Variants in ITGA2 observed in about 807,000 individuals in gnomAD.
ITGA2 encodes the protein integrin alpha-2.
ITGA2 carries 101 observed loss-of-function variants against 146.3 expected under a neutral mutation model. The observed-to-expected ratio is 0.69, with a 90% CI of 0.59 to 0.81. ITGA2 has a LOEUF of 0.81. ITGA2 is among the 40% of genes least tolerant of loss of function. The probability of loss-of-function intolerance (pLI) is 0.00; values close to 1 mark genes in which losing one functional copy is unlikely to be tolerated. For synonymous variants in ITGA2, 477 were observed against 487.1 expected (o/e 0.98, Z 0.27); for missense variants, 1,281 against 1,402.7 (o/e 0.91, Z 1.39).
At chr5:53,052,923 C>T (rs1178411904) in intron 7 of ITGA2, among the ~76,000 whole-genome samples, 4 of 152,116 alleles carry the variant, frequency 2.6e-5, no homozygotes, top group Non-Finnish European at 5.9e-5. Flanking sequence ...GCCCTACACT[C>T]TCTCCCAAAA....
intron 10 of ITGA2, among the ~76,000 whole-genome samples, chr5:53,058,587 C>T (rs1163699063): frequency 2.6e-5 from 4 of 151,396 alleles, no homozygotes; most frequent in African/African-American, 4.8e-5. Flanking sequence ...CTTTTCAGCT[C>T]GGGGAAGTCT....
At chr5:53,072,823 A>C (rs1745464483) in intron 19 of ITGA2, 128 bp downstream of exon 19, 1 of 837,186 alleles carries the variant, frequency 1.2e-6, no homozygotes, top group African/African-American at 1.7e-5. Context: ...TACCTTTAAA[A>C]ACTAAATTTC....
chr5:53,008,556 G>A (rs1196039522), intron 1 of ITGA2, among the ~76,000 whole-genome samples: 1 of 151,996 alleles, frequency 6.6e-6, no homozygotes, highest in African/African-American at 2.4e-5. Flanking sequence ...CAAAGTAAGT[G>A]TCAAACATAT....
intron 1 of ITGA2, among the ~76,000 whole-genome samples, chr5:52,993,173 C>T (rs1369708302): frequency 6.6e-6 from 1 of 152,140 alleles, no homozygotes; most frequent in Non-Finnish European, 1.5e-5. Context: ...AGGTAACCTA[C>T]CTTTGCTGGG....
intron 12 of ITGA2, among the ~76,000 whole-genome samples, chr5:53,062,545 G>C (rs951702220): frequency 1.3e-5 from 2 of 151,822 alleles, no homozygotes; most frequent in African/African-American, 2.4e-5. Context: ...GGGTCTCAGG[G>C]ATCTGTATTT....
At chr5:53,001,704 G>A (rs912442986) in intron 1 of ITGA2, among the ~76,000 whole-genome samples, 8 of 151,698 alleles carry the variant, frequency 5.3e-5, no homozygotes, top group Non-Finnish European at 8.8e-5. Flanking sequence ...GCCAGGAATC[G>A]TGCTGCATGC....
intron 1 of ITGA2, among the ~76,000 whole-genome samples, chr5:53,001,049 G>T (rs949445754): frequency 6.6e-6 from 1 of 151,656 alleles, no homozygotes; most frequent in African/African-American, 2.4e-5. Context: ...ATACAGGTGT[G>T]TACCACCATG....
At chr5:53,030,144 G>A (rs1481399683) in intron 2 of ITGA2, among the ~76,000 whole-genome samples, 1 of 152,214 alleles carries the variant, frequency 6.6e-6, no homozygotes, top group Non-Finnish European at 1.5e-5. Context: ...GATCCCACCA[G>A]GCAGAGTTCT....
At chr5:53,070,882 G>C (rs972379207) in intron 17 of ITGA2, among the ~76,000 whole-genome samples, 2 of 150,354 alleles carry the variant, frequency 1.3e-5, no homozygotes, top group Non-Finnish European at 3.0e-5. Context: ...AATTTACTCA[G>C]GAAATCACTT....
intron 16 of ITGA2, 81 bp downstream of exon 16, chr5:53,067,338 T>C (rs1745195639): frequency 1.3e-6 from 2 of 1,508,480 alleles, no homozygotes; most frequent in Non-Finnish European, 1.8e-6. Context: ...TTTTGGTTTG[T>C]AGGCCAAGAG....
chr5:53,062,878 G>A lies in ITGA2; in HGVS notation c.1551G>A (p.Met517Ile). The change falls in exon 13 of 30, where the codon ATG becomes ATA. Residue 517 changes from methionine to isoleucine, a missense_variant. Met to Ile is a conservative substitution (Grantham distance 10). Around this residue, in one of 3 missense-constraint regions of ITGA2, gnomAD observed 795 missense variants for 841.7 expected, o/e 0.94. Coordinates refer to ENST00000296585, the MANE Select transcript of ITGA2 (RefSeq NM_002203.4). ...TCTTGGTAGGTGCACCAATGTACAT[G>A]AGTGACCTAAAGAAAGAGGAAGGAA... is the stretch of plus-strand genomic sequence containing the variant. Reference protein sequence around the residue: ...DVLLVGAPMYMSDLKKEEGRV... With the variant: ...DVLLVGAPMYISDLKKEEGRV... The A allele has an allele frequency of 6.2e-7, 1 of 1,611,030 alleles. No individual in the cohort carries two copies. Among genetic ancestry groups the A allele is most frequent in the Non-Finnish European group, 8.5e-7 (1 of 1,178,208 alleles).
chr5:53,053,265 A>C (rs1238505736), intron 7 of ITGA2, among the ~76,000 whole-genome samples: 2 of 152,122 alleles, frequency 1.3e-5, no homozygotes, highest in African/African-American at 4.8e-5. Context: ...AATGTCTCAA[A>C]AGCAGATTCC....
chr5:53,049,213 T>G (rs1227005395), intron 6 of ITGA2, among the ~76,000 whole-genome samples: 1 of 151,326 alleles, frequency 6.6e-6, no homozygotes, highest in African/African-American at 2.4e-5. Context: ...GATTTCACCA[T>G]GTTGGCCAGG....
At chr5:53,046,802 C>G (rs1011942774) in intron 4 of ITGA2, among the ~76,000 whole-genome samples, 2 of 152,054 alleles carry the variant, frequency 1.3e-5, no homozygotes, top group Non-Finnish European at 2.9e-5. Flanking sequence ...GACTGACAAT[C>G]ATCACATTTT....
intron 1 of ITGA2, among the ~76,000 whole-genome samples, chr5:52,996,193 G>A (rs1741239941): frequency 1.3e-5 from 2 of 152,104 alleles, no homozygotes; most frequent in African/African-American, 4.8e-5. Flanking sequence ...ACATGGGAAA[G>A]GCTTGCATAA....
At chr5:53,030,901 T>C (rs948549197) in intron 2 of ITGA2, among the ~76,000 whole-genome samples, 2 of 152,236 alleles carry the variant, frequency 1.3e-5, no homozygotes, top group Admixed American at 1.3e-4. Flanking sequence ...CAAGGTTTTC[T>C]CATGACCTCT....
chr5:53,056,669 A>G (rs1042390893), intron 9 of ITGA2, among the ~76,000 whole-genome samples: 1 of 152,008 alleles, frequency 6.6e-6, no homozygotes, highest in African/African-American at 2.4e-5. Context: ...AATACAGCAA[A>G]GATTTTTAAT....
At chr5:53,015,715 G>T (rs1461586831) in intron 1 of ITGA2, among the ~76,000 whole-genome samples, 1 of 152,048 alleles carries the variant, frequency 6.6e-6, no homozygotes, top group Non-Finnish European at 1.5e-5. Context: ...ATTATTGTGT[G>T]GTTATCTAAG....
At chr5:53,068,668 GC>G (rs1745253781) in intron 16 of ITGA2, among the ~76,000 whole-genome samples, 1 of 151,214 alleles carries the variant, frequency 6.6e-6, no homozygotes, top group African/African-American at 2.4e-5. Flanking sequence ...ACAAAGACAA[GC>G]CAAGTGAAAT....
Sources: allele counts gnomAD v4.1 joint callset (sites outside exome capture counted in the v4.1 genomes callset), GRCh38; gene constraint gnomAD v4.1.1; regional missense constraint gnomAD v4.1.1; transcripts MANE v1.5; gene names NCBI Gene and HGNC (gene_info 2026-07-23, HGNC 2026-07-21).